LONRF1: variants seen among roughly 807,000 people sequenced by gnomAD.
The protein encoded by LONRF1 is LON peptidase N-terminal domain and ring finger 1, also known as LON peptidase N-terminal domain and RING finger protein 1.
A neutral mutation model predicts 85.8 loss-of-function variants in LONRF1; 37 were observed. The observed-to-expected ratio is 0.43, with a 90% CI of 0.33 to 0.57. The LOEUF is 0.57. Among genes scored for constraint, LONRF1 ranks in the 20% least tolerant of loss-of-function variants. The pLI, the probability that LONRF1 is intolerant of heterozygous loss-of-function variation, is 0.04. For synonymous variants in LONRF1, 517 were observed against 390.1 expected (o/e 1.33, Z -3.83); for missense variants, 1,036 against 978.0 (o/e 1.06, Z -0.79).
chr8:12,746,423 T>C (rs1043555274), intron 1 of LONRF1, among the ~76,000 whole-genome samples: 4 of 152,156 alleles, frequency 2.6e-5, no homozygotes. Context: ...GCTCCTCCCT[T>C]ACCATACCAT....
rs1444462452 is a variant in LONRF1, at chr8:12,750,396, T to C, written c.721+4304A>G. On this transcript the variant is annotated intron_variant, in intron 1 of 11. Transcript: ENST00000398246. ...ACTTCAGATAGTACCAAGCCCTATATATACTATCATACCTGTGATAAACTT... is the reference window on the plus strand; with the variant it reads ...ACTTCAGATAGTACCAAGCCCTATACATACTATCATACCTGTGATAAACTT... Among the ~76,000 whole-genome samples, 3 of 152,200 alleles carry C rather than the reference T, an allele frequency of 2.0e-5. No individual in the cohort carries two copies. The East Asian group carries it at 5.8e-4, about 29-fold the overall frequency.
chr8:12,753,006 C>T (rs1296136582), intron 1 of LONRF1: 1 of 152,278 alleles, frequency 6.6e-6, no homozygotes, highest in African/African-American at 2.4e-5. Context: ...GCATCTGCTT[C>T]CTCGCTTTAA....
At position 12,728,850 on chromosome 8, in the gene LONRF1, C is replaced by G. The variant is rs771373670; in HGVS notation, c.2010+51G>C. 15 of 1,597,034 alleles carry G rather than the reference C, an allele frequency of 9.4e-6. No homozygotes were observed. The African/African-American group carries it at 1.9e-4, about 20-fold the overall frequency. On this transcript the variant is annotated intron_variant, in intron 10 of 11. Coordinates refer to ENST00000398246, the MANE Select transcript of LONRF1 (RefSeq NM_152271.5). ...AAATAGCCTGCATGCCTGTACCAAT[C>G]CCTGGAACAGGATATACGAAAGTAT...
At chr8:12,741,331 C>G (rs996341722) in intron 2 of LONRF1, among the ~76,000 whole-genome samples, 1 of 152,158 alleles carries the variant, frequency 6.6e-6, no homozygotes, top group Non-Finnish European at 1.5e-5. Context: ...TTGCAGTGAG[C>G]TGAGATCACA....
chr8:12,738,153 G>A lies in LONRF1; in HGVS notation c.964-9C>T, dbSNP rs759235085. The A allele has an allele frequency of 6.7e-7, 1 of 1,481,916 alleles. No homozygotes were observed. Among genetic ancestry groups the A allele is most frequent in the South Asian group, 1.3e-5 (1 of 77,000 alleles). The allele number at this position is 1,481,916 out of a possible 1,614,324, so 91.8% of individuals were successfully genotyped here. A position where few individuals can be genotyped will look rare whatever the true frequency, so the allele number is the denominator to read the frequency against. ...AATAAATCACATAAAATCTGTAAGA[G>A]AAATATTAAAAGTAGTAGAAAATAT... On this transcript the variant is annotated splice_polypyrimidine_tract_variant and intron_variant, in intron 3 of 11. Coordinates refer to ENST00000398246, the MANE Select transcript of LONRF1 (RefSeq NM_152271.5).
chr8:12,752,087 G>A (rs758798448), intron 1 of LONRF1, among the ~76,000 whole-genome samples: 1 of 152,176 alleles, frequency 6.6e-6, no homozygotes, highest in Non-Finnish European at 1.5e-5. Flanking sequence ...TGGGCTAACT[G>A]CAGACTAGAT....
rs1799592634 is a variant in LONRF1, at chr8:12,755,197, A to T, written c.224T>A (p.Leu75Gln). The T allele has an allele frequency of 2.3e-6, 3 of 1,287,086 alleles. No individual in the cohort carries two copies. The highest frequency in any genetic ancestry group is 2.9e-6 in the Non-Finnish European group (3 of 1,024,458). 79.7% of individuals were successfully genotyped at this position (1,287,086 alleles called of 1,614,324 possible). ...GGGCCTGGCCGGGGCCCCGCGGCGC[A>T]GCGCCGCCGCGAACGCCTCCAGCGC... ...KGALEAFAAA[L>Q]RRGAPARPEC... The change falls in exon 1 of 12, where the codon CTG (leucine) becomes CAG (glutamine). Residue 75 changes from leucine to glutamine, a missense_variant. Around this residue, in one of 3 missense-constraint regions of LONRF1, gnomAD observed 742 missense variants for 614.4 expected, o/e 1.21. Transcript: ENST00000398246.
At chr8:12,736,634 T>A (rs1798724246) in intron 6 of LONRF1, 67 bp downstream of exon 6, 1 of 1,063,240 alleles carries the variant, frequency 9.4e-7, no homozygotes, top group African/African-American at 1.6e-5. Flanking sequence ...TTATTACCTT[T>A]ATCTACACGG....
At position 12,737,039 on chromosome 8, in the gene LONRF1, C is replaced by A; in HGVS notation, c.1215G>T (p.Glu405Asp). The change falls in exon 5 of 12, where the codon GAG (glutamate) becomes GAT (aspartate). Residue 405 changes from glutamate to aspartate, a missense_variant. By Grantham distance (45) the Glu-to-Asp change is conservative (BLOSUM62 2). Around this residue, in one of 3 missense-constraint regions of LONRF1, gnomAD observed 742 missense variants for 614.4 expected, o/e 1.21. Transcript: ENST00000398246. ...SINSTEMPAR[E>D]DCLKRVSSEP... ...CTGAGGACACTCTTTTTAAACAGTC[C>A]TCTCTGGCAGGCATTTCTGTTGAAT... 1 of 1,613,614 alleles carries A rather than the reference C, an allele frequency of 6.2e-7. No homozygotes were observed. The highest frequency in any genetic ancestry group is 8.5e-7 in the Non-Finnish European group (1 of 1,179,692).
chr8:12,736,948 C>T lies in LONRF1; in HGVS notation c.1306G>A (p.Asp436Asn). Residue 436 changes from aspartate to asparagine, a missense_variant, in exon 5 of 12, where the codon GAT becomes AAT. Asp to Asn is a conservative substitution (Grantham distance 23). Transcript: ENST00000398246. ...LKRKLSLLEQ[D>N]VIVNEDGRNK... The stretch of plus-strand genomic sequence containing the variant: ...CTTCCATCTTCATTTACAATCACAT[C>T]CTGTTCTAAAAGAGACAACTTTCTT... 3 of 1,613,328 alleles carry T rather than the reference C, an allele frequency of 1.9e-6. No individual in the cohort carries two copies. Among genetic ancestry groups the T allele is most frequent in the Non-Finnish European group, 2.5e-6 (3 of 1,179,612 alleles).
chr8:12,745,405 C>CTT (rs112293094), intron 1 of LONRF1, among the ~76,000 whole-genome samples: 30 of 151,196 alleles, frequency 2.0e-4, no homozygotes, highest in African/African-American at 6.8e-4. Flanking sequence ...AGGACCATCA[C>CTT]ACTGATCTCA....
chr8:12,733,742 G>A (rs1798616768), intron 7 of LONRF1, among the ~76,000 whole-genome samples: 1 of 152,084 alleles, frequency 6.6e-6, no homozygotes, highest in Non-Finnish European at 1.5e-5. Flanking sequence ...CTATTATGCT[G>A]CTATAAAAAC....
At chr8:12,748,748 C>G (rs1025249319) in intron 1 of LONRF1, among the ~76,000 whole-genome samples, 3 of 150,082 alleles carry the variant, frequency 2.0e-5, no homozygotes, top group Non-Finnish European at 3.0e-5. Context: ...TTCTGAGTGT[C>G]TTTTTCTGAG....
chr8:12,726,324 CAGG>C (rs1798303085), intron 10 of LONRF1, among the ~76,000 whole-genome samples: 1 of 151,694 alleles, frequency 6.6e-6, no homozygotes, highest in African/African-American at 2.4e-5. Flanking sequence ...AAAGTAGTAA[CAGG>C]AGGAGTCCAG....
rs751693058 is a variant in LONRF1, at chr8:12,743,181, G to A, written c.823C>T (p.Leu275Phe). Residue 275 changes from leucine (L) to phenylalanine (F), a missense_variant, in exon 2 of 12, where the codon CTT becomes TTT. This residue lies in a region of LONRF1 where 742 missense variants were observed against 614.4 expected (regional missense o/e 1.21). Coordinates refer to ENST00000398246, the MANE Select transcript of LONRF1 (RefSeq NM_152271.5). ...IEDLNAVLFQ[L>F]PDWPEVYFRK... ...AATTTTACCTCAGGCCAATCTGGAA[G>A]TTGAAAAAGAACTGCATTTAAATCT... The A allele has an allele frequency of 9.3e-6, 15 of 1,609,428 alleles. No homozygotes were observed. In the Admixed American group the frequency reaches 2.2e-4, roughly 23 times the overall value.
At chr8:12,744,794 T>A (rs372987964) in intron 1 of LONRF1, among the ~76,000 whole-genome samples, 137 of 152,196 alleles carry the variant, frequency 9.0e-4, no homozygotes, top group African/African-American at 3.2e-3. Context: ...GTGCTTCCAA[T>A]AGCATCCTTG....
intron 1 of LONRF1, among the ~76,000 whole-genome samples, chr8:12,744,771 A>T (rs544606320): frequency 5.0e-4 from 76 of 152,276 alleles, no homozygotes; most frequent in African/African-American, 1.8e-3. Context: ...GCAGTTTTCC[A>T]CCCACAGCTG....
At chr8:12,734,581 C>A (rs917937365) in intron 7 of LONRF1, among the ~76,000 whole-genome samples, 4 of 152,190 alleles carry the variant, frequency 2.6e-5, no homozygotes, top group African/African-American at 9.7e-5. Context: ...TTAGAGAAGA[C>A]ATCCACTGAG....
Position 12,723,078 on chromosome 8 carries a change from G to C in LONRF1, c.*18C>G. 1 of 1,597,460 alleles carries C rather than the reference G, an allele frequency of 6.3e-7. No individual in the cohort carries two copies. Among genetic ancestry groups the C allele is most frequent in the Non-Finnish European group, 8.5e-7 (1 of 1,171,256 alleles). ...CAGCCAGATTAGGGTCACTTTAAAG[G>C]GAGATCCAAAGAGTTAGTTACTTAG... On this transcript the variant is annotated 3_prime_UTR_variant, in exon 12 of 12. Coordinates refer to ENST00000398246, the MANE Select transcript of LONRF1 (RefSeq NM_152271.5).
Sources: allele counts gnomAD v4.1 joint callset (sites outside exome capture counted in the v4.1 genomes callset), GRCh38; gene constraint gnomAD v4.1.1; regional missense constraint gnomAD v4.1.1; transcripts MANE v1.5; gene names NCBI Gene and HGNC (gene_info 2026-07-23, HGNC 2026-07-21).